CHMP2B: variants seen among roughly 807,000 people sequenced by gnomAD.
CHMP2B encodes the protein VPS2 homolog B.
Under a neutral mutation model 29.8 loss-of-function variants are expected in CHMP2B, and 22 were observed. That is an observed-to-expected ratio of 0.74 (90% CI 0.53 to 1.05). The LOEUF is 1.05. CHMP2B is among the 50% of genes least tolerant of loss of function. The pLI, the probability that CHMP2B is intolerant of heterozygous loss-of-function variation, is 0.00. For missense variants in CHMP2B, 261 were observed against 252.2 expected, an observed-to-expected ratio of 1.03 and a Z score of -0.24; for synonymous variants, 78 against 75.8, an observed-to-expected ratio of 1.03 and a Z score of -0.15.
intron 2 of CHMP2B, 97 bp downstream of exon 2, chr3:87,240,887 GGTAA>G: frequency 1.2e-6 from 1 of 862,588 alleles, no homozygotes; most frequent in Non-Finnish European, 2.0e-6. Flanking sequence ...CATGGCAGGT[GGTAA>G]GTGATTTACT....
intron 1 of CHMP2B, among the ~76,000 whole-genome samples, chr3:87,235,156 A>G (rs1274203214): frequency 6.6e-6 from 1 of 152,208 alleles, no homozygotes; most frequent in African/African-American, 2.4e-5. Flanking sequence ...CCTTCTCTTA[A>G]AGAGATTGTA....
Position 87,245,784 on chromosome 3 carries a change from T to C in CHMP2B, c.197T>C (p.Val66Ala). Residue 66 changes from valine to alanine, a missense_variant, in exon 3 of 6, where the codon GTG (valine) becomes GCG (alanine). Transcript: ENST00000263780. The part of the protein sequence containing the change: ...EACKVLAKQL[V>A]HLRKQKTRTF... ...TGCAAAGTTTTAGCCAAACAACTTG[T>C]GCATCTACGGAAACAGAAGACGAGA... 6.2e-7 allele frequency: 1 copy of C among 1,613,920 alleles called. No individual in the cohort carries two copies. Among genetic ancestry groups the C allele is most frequent in the Non-Finnish European group, 8.5e-7 (1 of 1,179,912 alleles).
intron 1 of CHMP2B, among the ~76,000 whole-genome samples, chr3:87,231,644 C>T (rs1705911237): frequency 6.6e-6 from 1 of 152,074 alleles, no homozygotes; most frequent in African/African-American, 2.4e-5. Flanking sequence ...ACTGGCCCTT[C>T]CCTTTCTTTC....
chr3:87,242,778 T>C (rs1706142006), intron 2 of CHMP2B, among the ~76,000 whole-genome samples: 1 of 152,174 alleles, frequency 6.6e-6, no homozygotes, highest in Non-Finnish European at 1.5e-5. Flanking sequence ...TTCTGGGCTC[T>C]GTTCCATTGA....
chr3:87,227,576 G>A lies in CHMP2B; in HGVS notation c.34+20G>A, dbSNP rs1243361529. The A allele has an allele frequency of 6.2e-7, 1 of 1,614,156 alleles. No individual in the cohort carries two copies. The highest frequency in any genetic ancestry group is 8.5e-7 in the Non-Finnish European group (1 of 1,179,996). ...TGGATGGTGAGTTCCAGGCCGGGCTGAAGGGGCCCAGCTCTGCGTTTTCTC... is the reference window on the plus strand; with the variant it reads ...TGGATGGTGAGTTCCAGGCCGGGCTAAAGGGGCCCAGCTCTGCGTTTTCTC... On this transcript the variant is annotated intron_variant, in intron 1 of 5. Transcript: ENST00000263780.
rs1274785717 is a variant in CHMP2B, at chr3:87,227,330, C to CTCCG, written c.-192_-189dup. On this transcript the variant is annotated 5_prime_UTR_variant, in exon 1 of 6. Transcript: ENST00000263780. ...GTGTGTTAGTTCCCGGTCACCTGAG[C>CTCCG]TCCGGGTGACGCGGCTGCGGTAGCT... The CTCCG allele has an allele frequency of 3.1e-6, 2 of 639,898 alleles. No homozygotes were observed. Among genetic ancestry groups the CTCCG allele is most frequent in the African/African-American group, 3.6e-5 (2 of 54,986 alleles). The allele number at this position is 639,898 out of a possible 1,614,324, so 39.6% of individuals were successfully genotyped here.
intron 1 of CHMP2B, among the ~76,000 whole-genome samples, chr3:87,239,874 TC>T (rs1466787618): frequency 6.6e-6 from 1 of 152,162 alleles, no homozygotes; most frequent in African/African-American, 2.4e-5. Flanking sequence ...AACTAACTCT[TC>T]CAAGGTATAA....
chr3:87,227,648 G>T, intron 1 of CHMP2B, 92 bp downstream of exon 1: 1 of 1,521,820 alleles, frequency 6.6e-7, no homozygotes, highest in Non-Finnish European at 9.1e-7. Context: ...ACTGTCCCTG[G>T]AGGCGGGGCT....
At position 87,254,007 on chromosome 3, in the gene CHMP2B, A is replaced by C; in HGVS notation, c.*185A>C. 1.9e-6 allele frequency: 1 copy of C among 536,166 alleles called. No individual in the cohort carries two copies. Among genetic ancestry groups the C allele is most frequent in the South Asian group, 2.0e-5 (1 of 48,996 alleles). The allele number at this position is 536,166 out of a possible 1,614,324, so 33.2% of individuals were successfully genotyped here. Reference sequence around the variant, plus strand: ...TGCCAAAGAATGACAATGATGCAAAAATGGGAACAGTTTGGATTTTAATTA... The same window carrying C: ...TGCCAAAGAATGACAATGATGCAAACATGGGAACAGTTTGGATTTTAATTA... On this transcript the variant is annotated 3_prime_UTR_variant, in exon 6 of 6. Transcript: ENST00000263780.
intron 2 of CHMP2B, among the ~76,000 whole-genome samples, chr3:87,244,392 G>A (rs2879985): frequency 0.25 from 36,682 of 149,548 alleles, 5,306 homozygotes; most frequent in South Asian, 0.38. Flanking sequence ...TCCCTACTTT[G>A]TGTTTCATTT....
intron 3 of CHMP2B, among the ~76,000 whole-genome samples, chr3:87,248,309 G>C (rs1305311904): frequency 6.6e-6 from 1 of 151,032 alleles, no homozygotes; most frequent in Non-Finnish European, 1.5e-5. Flanking sequence ...AAAAAAAAGA[G>C]AGAGAGAGAA....
rs1036069988 is a variant in CHMP2B at position 87,253,806 on chromosome 3, C to T, written c.626C>T (p.Ala209Val). ...SDEEIERQLKALGVD is the reference protein window; with the variant it reads ...SDEEIERQLKVLGVD ...GAAGAGATTGAACGGCAACTCAAGG[C>T]TTTAGGAGTAGATTAGTCAAAAGAA... is the stretch of plus-strand genomic sequence containing the variant. Residue 209 changes from alanine (A) to valine (V), a missense_variant, in exon 6 of 6, where the codon GCT becomes GTT. By Grantham distance (64) the Ala-to-Val change is moderately conservative (BLOSUM62 0). Coordinates refer to ENST00000263780, the MANE Select transcript of CHMP2B (RefSeq NM_014043.4). 8 of 1,610,826 alleles carry T rather than the reference C, an allele frequency of 5.0e-6. No individual in the cohort carries two copies. The highest frequency in any genetic ancestry group is 1.3e-5 in the African/African-American group (1 of 74,640).
intron 3 of CHMP2B, among the ~76,000 whole-genome samples, chr3:87,249,607 T>A (rs1442475372): frequency 6.6e-6 from 1 of 152,098 alleles, no homozygotes; most frequent in African/African-American, 2.4e-5. Flanking sequence ...AAGGATTTTA[T>A]GCTGATAATG....
intron 1 of CHMP2B, among the ~76,000 whole-genome samples, chr3:87,237,911 G>A (rs1261361474): frequency 6.6e-6 from 1 of 152,152 alleles, no homozygotes; most frequent in Non-Finnish European, 1.5e-5. Flanking sequence ...TGTTAGAGAT[G>A]TGCTATGGTT....
In CHMP2B at chr3:87,240,770, G is replaced by A; in HGVS notation, c.106G>A (p.Glu36Lys). The stretch of plus-strand genomic sequence containing the variant: ...TATAATCAGAGATCGAGCAGCTTTA[G>A]AGAAACAAGAAAAACAGCTGGTAAG... ...RAIIRDRAAL[E>K]KQEKQLELEI... The change falls in exon 2 of 6, where the codon GAG becomes AAG. Residue 36 changes from glutamate (E) to lysine (K), a missense_variant. By Grantham distance (56) the Glu-to-Lys change is moderately conservative. Transcript: ENST00000263780. 6.2e-7 allele frequency: 1 copy of A among 1,613,234 alleles called. No homozygotes were observed. The highest frequency in any genetic ancestry group is 8.5e-7 in the Non-Finnish European group (1 of 1,179,318).
chr3:87,227,721 C>G (rs1705839637), intron 1 of CHMP2B, among the ~76,000 whole-genome samples, 165 bp downstream of exon 1: 1 of 152,202 alleles, frequency 6.6e-6, no homozygotes, highest in African/African-American at 2.4e-5. Context: ...CCTCTTGCTT[C>G]TGACTCACCT....
At position 87,253,861 on chromosome 3, in the gene CHMP2B, G is replaced by A; in HGVS notation, c.*39G>A. The A allele has an allele frequency of 6.9e-7, 1 of 1,457,760 alleles. No homozygotes were observed. The highest frequency in any genetic ancestry group is 9.6e-7 in the Non-Finnish European group (1 of 1,042,272). The allele number at this position is 1,457,760 out of a possible 1,614,324, so 90.3% of individuals were successfully genotyped here. A position where few individuals can be genotyped will look rare whatever the true frequency, so the allele number is the denominator to read the frequency against. On this transcript the variant is annotated 3_prime_UTR_variant, in exon 6 of 6. Transcript: ENST00000263780. Reference sequence around the variant, plus strand: ...TACTATTTTGCTTACTTATAATTATGTAGTATAAACCAAGCACAGTGCAGA... The same window carrying A: ...TACTATTTTGCTTACTTATAATTATATAGTATAAACCAAGCACAGTGCAGA...
Position 87,253,721 on chromosome 3 carries a change from G to C in CHMP2B, c.541G>C (p.Ala181Pro), listed in dbSNP as rs1445485792. ...TCATTGTTTAATATAGATGGCCAAA[G>C]CTCCATCAGCTGCTCGAAGCTTACC... ...GIEISGKMAK[A>P]PSAARSLPSA... Residue 181 changes from alanine (A) to proline (P), a missense_variant, in exon 6 of 6, where the codon GCT (alanine) becomes CCT (proline). By Grantham distance (27) the Ala-to-Pro change is conservative. Coordinates refer to ENST00000263780, the MANE Select transcript of CHMP2B (RefSeq NM_014043.4). 1 of 1,612,124 alleles carries C rather than the reference G, an allele frequency of 6.2e-7. No individual in the cohort carries two copies.
intron 1 of CHMP2B, among the ~76,000 whole-genome samples, chr3:87,229,287 C>A (rs1705864963): frequency 6.6e-6 from 1 of 152,084 alleles, no homozygotes; most frequent in Admixed American, 6.6e-5. Flanking sequence ...GCAGTTAATT[C>A]TTCCAAGAAA....
Sources: allele counts gnomAD v4.1 joint callset (sites outside exome capture counted in the v4.1 genomes callset), GRCh38; gene constraint gnomAD v4.1.1; transcripts MANE v1.5; gene names NCBI Gene and HGNC (gene_info 2026-07-23, HGNC 2026-07-21).